SNTG1: variants seen among roughly 807,000 people sequenced by gnomAD.
SNTG1 encodes the protein gamma-1-syntrophin.
SNTG1 carries 39 observed loss-of-function variants against 74.7 expected under a neutral mutation model. The ratio of observed to expected loss-of-function variants is 0.52; its 90% CI spans 0.40 to 0.68. The LOEUF is 0.68. Among genes scored for constraint, SNTG1 ranks in the 30% least tolerant of loss-of-function variants. The probability of loss-of-function intolerance (pLI) is 0.00; values close to 1 mark genes in which losing one functional copy is unlikely to be tolerated. For missense variants in SNTG1, 685 were observed against 609.5 expected, an observed-to-expected ratio of 1.12 and a Z score of -1.30; for synonymous variants, 254 against 217.1, an observed-to-expected ratio of 1.17 and a Z score of -1.49.
At chr8:50,616,919 C>T (rs1386686437) in intron 13 of SNTG1, among the ~76,000 whole-genome samples, 2 of 152,210 alleles carry the variant, frequency 1.3e-5, no homozygotes, top group Non-Finnish European at 1.5e-5. Flanking sequence ...TGCTACCCAT[C>T]TACACAACAG....
Position 50,553,089 on chromosome 8 carries a change from C to T in SNTG1, c.720C>T (p.Cys240=), listed in dbSNP as rs2094436559. Reference sequence around the variant, plus strand: ...AAGTCATTGCTGTGGATGGGGTCTGCACTGGGATTATTCAGTGCCTCTCTG... The same window carrying T: ...AAGTCATTGCTGTGGATGGGGTCTGTACTGGGATTATTCAGTGCCTCTCTG... ...AFQVIAVDGV[C]TGIIQCLSAE... is the part of the protein sequence containing the mutation. Residue 240 remains cysteine, a synonymous_variant, in exon 12 of 19, where the codon TGC becomes TGT. Transcript: ENST00000642720. The T allele has an allele frequency of 1.2e-6, 2 of 1,613,806 alleles. No homozygotes were observed. Among genetic ancestry groups the T allele is most frequent in the Non-Finnish European group, 1.7e-6 (2 of 1,179,880 alleles).
rs6150576 is a variant in SNTG1, at chr8:50,276,373, T to TTATATA, written c.-28+103769_-28+103774dup. ...GCACACATATATGTGCAAGTAAATT[T>TTATATA]TATATATATATATATATATATATAT... On this transcript the variant is annotated intron_variant, in intron 2 of 18. Coordinates refer to ENST00000642720, the MANE Select transcript of SNTG1 (RefSeq NM_018967.5). Among the ~76,000 whole-genome samples the TTATATA allele has an allele frequency of 2.2e-3, 312 of 143,398 alleles. 1 individual carries two copies. The highest frequency in any genetic ancestry group is 0.011 in the Middle Eastern group (3 of 270). 94.1% of individuals were successfully genotyped at this position (143,398 alleles called of 152,430 possible).
At chr8:50,632,223 G>T (rs2095003779) in intron 13 of SNTG1, among the ~76,000 whole-genome samples, 1 of 151,448 alleles carries the variant, frequency 6.6e-6, no homozygotes. Flanking sequence ...TTAGGAATTG[G>T]GGTAATATAT....
intron 2 of SNTG1, among the ~76,000 whole-genome samples, chr8:50,336,418 A>G (rs1045210666): frequency 1.3e-5 from 2 of 152,204 alleles, no homozygotes; most frequent in African/African-American, 4.8e-5. Context: ...GAGAGGTATT[A>G]TTCAATTATC....
At chr8:50,067,405 C>T (rs998488136) in intron 1 of SNTG1, among the ~76,000 whole-genome samples, 1 of 152,092 alleles carries the variant, frequency 6.6e-6, no homozygotes, top group African/African-American at 2.4e-5. Context: ...TAAGATTAGT[C>T]GAAATACAAT....
chr8:50,167,705 C>A (rs2082674026), intron 1 of SNTG1, among the ~76,000 whole-genome samples: 1 of 149,660 alleles, frequency 6.7e-6, no homozygotes, highest in Non-Finnish European at 1.5e-5. Context: ...CCCAGCTATT[C>A]AGGAAGCTGA....
intron 1 of SNTG1, among the ~76,000 whole-genome samples, chr8:50,139,667 A>C (rs951648436): frequency 1.3e-5 from 2 of 152,236 alleles, no homozygotes; most frequent in Non-Finnish European, 2.9e-5. Flanking sequence ...TTGAGCAAGG[A>C]AAAGAAGAAA....
intron 12 of SNTG1, among the ~76,000 whole-genome samples, chr8:50,569,313 A>G (rs1489925873): frequency 3.3e-5 from 5 of 152,136 alleles, no homozygotes; most frequent in Admixed American, 1.3e-4. Flanking sequence ...ACAGACACAC[A>G]CACAAATAAT....
chr8:50,335,576 T>C (rs576678128), intron 2 of SNTG1, among the ~76,000 whole-genome samples: 3 of 152,306 alleles, frequency 2.0e-5, no homozygotes. Flanking sequence ...TCAAAACCAG[T>C]ATGGTTGAAT....
At chr8:50,088,350 AG>A (rs1340167447) in intron 1 of SNTG1, among the ~76,000 whole-genome samples, 2 of 139,390 alleles carry the variant, frequency 1.4e-5, no homozygotes, top group Non-Finnish European at 3.1e-5. Context: ...GGCACAAGAC[AG>A]GGATGCCCTC....
At chr8:49,994,569 T>C (rs1814022160) in intron 1 of SNTG1, among the ~76,000 whole-genome samples, 1 of 152,022 alleles carries the variant, frequency 6.6e-6, no homozygotes, top group Non-Finnish European at 1.5e-5. Flanking sequence ...CTGGCCAAGA[T>C]CATTATTCTT....
Position 50,079,129 on chromosome 8 carries a change from G to A in SNTG1, c.-102-93432G>A, listed in dbSNP as rs185925886. 7.2e-5 allele frequency among the ~76,000 whole-genome samples: 11 copies of A among 152,224 alleles called. No individual in the cohort carries two copies. The East Asian group carries it at 1.5e-3, about 21-fold the overall frequency. ...TCTGGTTTTAGAACCTTGAGGAATCGCCACACTATGTTCCACAATGGTTGA... is the reference window on the plus strand; with the variant it reads ...TCTGGTTTTAGAACCTTGAGGAATCACCACACTATGTTCCACAATGGTTGA... On this transcript the variant is annotated intron_variant, in intron 1 of 18. Transcript: ENST00000642720.
At chr8:49,933,861 G>T (rs1807810088) in intron 1 of SNTG1, among the ~76,000 whole-genome samples, 1 of 152,232 alleles carries the variant, frequency 6.6e-6, no homozygotes, top group South Asian at 2.1e-4. Context: ...TCCTGGACTT[G>T]GTTGTGGAGG....
At chr8:50,347,632 A>C in intron 2 of SNTG1, among the ~76,000 whole-genome samples, 1 of 152,250 alleles carries the variant, frequency 6.6e-6, no homozygotes, top group East Asian at 1.9e-4. Flanking sequence ...GGGAAAAGTA[A>C]GTTGAAAACC....
At chr8:50,090,031 G>T (rs546516214) in intron 1 of SNTG1, among the ~76,000 whole-genome samples, 1 of 152,336 alleles carries the variant, frequency 6.6e-6, no homozygotes, top group African/African-American at 2.4e-5. Context: ...CACTCCCAGG[G>T]CTAGGGCCGT....
intron 2 of SNTG1, among the ~76,000 whole-genome samples, chr8:50,298,766 G>A (rs530768889): frequency 9.9e-5 from 15 of 152,148 alleles, no homozygotes; most frequent in Admixed American, 2.6e-4. Context: ...AGGAAGTGAC[G>A]GCAAACATTT....
intron 1 of SNTG1, among the ~76,000 whole-genome samples, chr8:49,938,607 C>CTTTTT (rs60669251): frequency 7.5e-4 from 21 of 27,846 alleles, no homozygotes; most frequent in East Asian, 2.9e-3. Flanking sequence ...CTTTTCTTTT[C>CTTTTT]TTTCTTTCTT....
chr8:50,516,348 C>T (rs1414152921), intron 9 of SNTG1, among the ~76,000 whole-genome samples: 3 of 152,178 alleles, frequency 2.0e-5, no homozygotes, highest in African/African-American at 4.8e-5. Context: ...AAAACCAGCA[C>T]ACAAAGTCTG....
In SNTG1 at chr8:50,119,670, C is replaced by G. The variant is rs980671137; in HGVS notation, c.-102-52891C>G. On this transcript the variant is annotated intron_variant, in intron 1 of 18. Coordinates refer to ENST00000642720, the MANE Select transcript of SNTG1 (RefSeq NM_018967.5). ...CAGATAATAGCTAGCATTGAGCTAG[C>G]TAGCTATTATTTTTTATCAAAACCC... Among the ~76,000 whole-genome samples, 19 of 141,124 alleles carry G rather than the reference C, an allele frequency of 1.3e-4. 3 individuals are homozygous for G. The highest frequency in any genetic ancestry group is 1.6e-4 in the Non-Finnish European group (10 of 63,458). The allele number at this position is 141,124 out of a possible 152,430, so 92.6% of individuals were successfully genotyped here.
Sources: gnomAD v4.1 joint callset for allele counts (sites outside exome capture counted in the v4.1 genomes callset) on GRCh38, gnomAD v4.1.1 for gene constraint, MANE v1.5 for transcripts, NCBI Gene and HGNC (gene_info 2026-07-23, HGNC 2026-07-21) for gene names.